BRCC3: variants seen among roughly 807,000 people sequenced by gnomAD.
BRCC3 encodes the protein lys-63-specific deubiquitinase BRCC36.
Under a neutral mutation model 28.0 loss-of-function variants are expected in BRCC3, and 15 were observed. The ratio of observed to expected loss-of-function variants is 0.54; its 90% CI spans 0.36 to 0.82. The LOEUF (loss-of-function observed/expected upper bound fraction) is 0.82, where lower values mean the gene tolerates loss of function less well. Among genes scored for constraint, BRCC3 ranks in the 40% least tolerant of loss-of-function variants. The pLI, the probability that BRCC3 is intolerant of heterozygous loss-of-function variation, is 0.01. For missense variants in BRCC3, 109 were observed against 225.9 expected (o/e 0.48, Z 3.32); for synonymous variants, 66 against 80.3 (o/e 0.82, Z 0.95).
At position 155,120,137 on chromosome X, in the gene BRCC3, C is replaced by T; in HGVS notation, c.863C>T (p.Ser288Phe). The change falls in exon 10 of 11, where the codon TCT becomes TTT. Residue 288 changes from serine (S) to phenylalanine (F), a missense_variant. Physicochemically the swap from Ser to Phe is radical, Grantham distance 155. This residue lies in a region of BRCC3 where 50 missense variants were observed against 115.2 expected (regional missense o/e 0.43). Transcript: ENST00000330045. ...QEKEELMQEL[S>F]SLE ...AAGGAAGAGCTTATGCAAGAACTTT[C>T]TTCTCTAGAATAAATCAGGAGACAA... 1.7e-6 allele frequency: 2 copies of T among 1,206,867 alleles called. No individual in the cohort carries two copies. The highest frequency in any genetic ancestry group is 3.0e-5 in the East Asian group (1 of 33,818).
chrX:155,075,505 A>T (rs1390688129), intron 3 of BRCC3, among the ~76,000 whole-genome samples: 1 of 112,117 alleles, frequency 8.9e-6, no homozygotes, highest in Non-Finnish European at 1.9e-5. Flanking sequence ...CTCATCTGAA[A>T]ACAAGCTCAT....
intron 7 of BRCC3, among the ~76,000 whole-genome samples, chrX:155,101,950 G>A (rs909614280): frequency 8.9e-6 from 1 of 111,785 alleles, no homozygotes; most frequent in Admixed American, 9.5e-5. Flanking sequence ...TTCATACATC[G>A]TAATTATTCT....
chrX:155,115,393 A>G (rs2074347705), intron 7 of BRCC3, among the ~76,000 whole-genome samples: 1 of 111,908 alleles, frequency 8.9e-6, no homozygotes, highest in Admixed American at 9.4e-5. Context: ...TCACAGTGCC[A>G]GGGGCCTTCA....
rs199535504 is a variant in BRCC3 at position 155,116,769 on chromosome X, T to G, written c.724+15T>G. Reference sequence around the variant, plus strand: ...TAATGGCTCAGGTAAGAATTGTTTCTTGAGTACTCAGCATTTTTTCTGACT... The same window carrying G: ...TAATGGCTCAGGTAAGAATTGTTTCGTGAGTACTCAGCATTTTTTCTGACT... On this transcript the variant is annotated intron_variant, in intron 9 of 10. Transcript: ENST00000330045. 2.3e-5 allele frequency: 26 copies of G among 1,132,845 alleles called. No homozygotes were observed. Among genetic ancestry groups the G allele is most frequent in the Non-Finnish European group, 2.6e-5 (22 of 835,167 alleles). The allele number at this position is 1,132,845 out of a possible 1,213,427, so 93.4% of individuals were successfully genotyped here. A position where few individuals can be genotyped will look rare whatever the true frequency, so the allele number is the denominator to read the frequency against.
At chrX:155,085,468 C>A (rs1036022944) in intron 5 of BRCC3, among the ~76,000 whole-genome samples, 1 of 112,101 alleles carries the variant, frequency 8.9e-6, no homozygotes, top group East Asian at 2.8e-4. Context: ...CTGCTGGTTT[C>A]CAGGTCAGTT....
intron 7 of BRCC3, among the ~76,000 whole-genome samples, chrX:155,100,702 C>A (rs2124284890): frequency 9.0e-6 from 1 of 111,670 alleles, no homozygotes; most frequent in Non-Finnish European, 1.9e-5. Context: ...TCAGGTAGTG[C>A]CTGATATGTT....
chrX:155,090,756 T>C, intron 6 of BRCC3, 28 bp from the exon 7 acceptor site: 1 of 1,132,377 alleles, frequency 8.8e-7, no homozygotes, highest in Non-Finnish European at 1.2e-6. Flanking sequence ...TTGTGTGATA[T>C]TTCTTTCTTT....
At position 155,073,417 on chromosome X, in the gene BRCC3, A is replaced by G. The variant is rs1557292927; in HGVS notation, c.181A>G (p.Thr61Ala). ...KFAYTGTEMRTVAEKVDAVRI... is the reference protein window; with the variant it reads ...KFAYTGTEMRAVAEKVDAVRI... Reference sequence around the variant, plus strand: ...TGCATATACTGGAACTGAAATGCGCACAGTTGCTGAAAAGGTATGTGTGCT... The same window carrying G: ...TGCATATACTGGAACTGAAATGCGCGCAGTTGCTGAAAAGGTATGTGTGCT... Residue 61 changes from threonine (T) to alanine (A), a missense_variant, in exon 3 of 11, where the codon ACA (threonine) becomes GCA (alanine). This residue lies in a region of BRCC3 where 58 missense variants were observed against 92.8 expected (regional missense o/e 0.63). Coordinates refer to ENST00000330045, the MANE Select transcript of BRCC3 (RefSeq NM_001018055.3). The G allele has an allele frequency of 1.7e-6, 2 of 1,167,963 alleles. No individual in the cohort carries two copies. The highest frequency in any genetic ancestry group is 6.4e-5 in the East Asian group (2 of 31,059).
At chrX:155,084,598 C>T (rs1001893280) in intron 5 of BRCC3, among the ~76,000 whole-genome samples, 1 of 111,779 alleles carries the variant, frequency 8.9e-6, no homozygotes, top group Non-Finnish European at 1.9e-5. Context: ...CTCCTGACCT[C>T]GTGATCCACC....
intron 5 of BRCC3, among the ~76,000 whole-genome samples, chrX:155,079,901 A>G (rs2074073091): frequency 9.0e-6 from 1 of 111,415 alleles, no homozygotes; most frequent in African/African-American, 3.3e-5. Flanking sequence ...TGAATTTCCT[A>G]AACACAAAGA....
chrX:155,105,397 T>G (rs782639392), intron 7 of BRCC3, among the ~76,000 whole-genome samples: 7 of 111,336 alleles, frequency 6.3e-5, no homozygotes, highest in African/African-American at 9.8e-5. Context: ...GCAGGAGAAT[T>G]GCTTGAACCC....
In BRCC3 at chrX:155,088,062, G is replaced by A. The variant is rs782589665; in HGVS notation, c.404-1201G>A. The stretch of plus-strand genomic sequence containing the variant: ...TTAATTCTCTGTACTGCTATAGACC[G>A]TTTTACAATGCTATGTTCTTTTAGC... On this transcript the variant is annotated intron_variant, in intron 5 of 10. Transcript: ENST00000330045. Among the ~76,000 whole-genome samples the A allele has an allele frequency of 5.3e-5, 6 of 112,275 alleles. No individual in the cohort carries two copies. In the Admixed American group the frequency reaches 5.6e-4, roughly 11 times the overall value.
At chrX:155,078,913 T>G (rs782321085) in intron 5 of BRCC3, 15 of 347,325 alleles carry the variant, frequency 4.3e-5, no homozygotes, top group Non-Finnish European at 6.5e-5. Context: ...ATAAAAAAAT[T>G]AAACTGTTAA....
intron 5 of BRCC3, among the ~76,000 whole-genome samples, chrX:155,084,997 A>G (rs1426269799): frequency 8.9e-6 from 1 of 111,819 alleles, no homozygotes; most frequent in African/African-American, 3.3e-5. Context: ...AAAGTAGGAT[A>G]TGAGAAATAG....
chrX:155,116,654 A>G (rs1384867771), intron 8 of BRCC3, 57 bp from the exon 9 acceptor site: 12 of 875,248 alleles, frequency 1.4e-5, no homozygotes, highest in Non-Finnish European at 4.9e-6. Flanking sequence ...GTCCATGACC[A>G]TTTTGCTTTC....
intron 5 of BRCC3, among the ~76,000 whole-genome samples, chrX:155,083,242 C>CTG (rs1347378239): frequency 8.9e-5 from 10 of 112,480 alleles, no homozygotes; most frequent in African/African-American, 3.2e-4. Flanking sequence ...AATTGGGAAG[C>CTG]TGTGCATGTT....
intron 7 of BRCC3, chrX:155,099,185 GTTTT>G (rs372745437): frequency 7.3e-5 from 42 of 576,207 alleles, no homozygotes; most frequent in East Asian, 1.0e-4. Context: ...AATTAGAAAT[GTTTT>G]TTTTTTTTTT....
intron 2 of BRCC3, among the ~76,000 whole-genome samples, chrX:155,072,939 C>T (rs1188211196): frequency 7.2e-5 from 8 of 111,733 alleles, no homozygotes; most frequent in East Asian, 2.8e-4. Context: ...AGAGCATATA[C>T]GTTTAGAGGC....
chrX:155,087,322 G>A (rs1284092209), intron 5 of BRCC3, among the ~76,000 whole-genome samples: 3 of 112,374 alleles, frequency 2.7e-5, no homozygotes, highest in African/African-American at 9.7e-5. Context: ...GGGTGACCGA[G>A]GCCAGTCTGA....
Sources: gnomAD v4.1 joint callset for allele counts (sites outside exome capture counted in the v4.1 genomes callset) on GRCh38, gnomAD v4.1.1 for gene constraint, gnomAD v4.1.1 regional missense constraint, MANE v1.5 for transcripts, NCBI Gene and HGNC (gene_info 2026-07-23, HGNC 2026-07-21) for gene names.